Variants in GAREM1 observed in about 807,000 individuals in gnomAD.
GAREM1 encodes the protein GRB2 associated regulator of MAPK1 subtype 1.
Under a neutral mutation model 71.3 loss-of-function variants are expected in GAREM1, and 26 were observed. The observed-to-expected ratio is 0.36, with a 90% CI of 0.27 to 0.51. The LOEUF is 0.51. Ranked by LOEUF, GAREM1 falls within the 20% of genes least tolerant of loss-of-function variation. The pLI is 0.95. For missense variants in GAREM1, 1,026 were observed against 1,103.1 expected, an observed-to-expected ratio of 0.93 and a Z score of 0.99; for synonymous variants, 440 against 433.2, an observed-to-expected ratio of 1.02 and a Z score of -0.20.
At chr18:32,336,287 G>A (rs964381027) in intron 2 of GAREM1, among the ~76,000 whole-genome samples, 8 of 151,938 alleles carry the variant, frequency 5.3e-5, no homozygotes, top group African/African-American at 1.2e-4. Context: ...AAAATTAGCC[G>A]GCCGTGGTGG....
At chr18:32,332,180 G>C (rs781028070) in intron 2 of GAREM1, among the ~76,000 whole-genome samples, 8 of 151,904 alleles carry the variant, frequency 5.3e-5, no homozygotes, top group Non-Finnish European at 8.8e-5. Context: ...GCTCTGCTCA[G>C]AGGAGTGAGA....
At chr18:32,364,029 T>A (rs1246028028) in intron 2 of GAREM1, among the ~76,000 whole-genome samples, 3 of 41,196 alleles carry the variant, frequency 7.3e-5, no homozygotes, top group African/African-American at 3.1e-4. Flanking sequence ...TATATATATG[T>A]TTTTTTTTTT....
intron 1 of GAREM1, among the ~76,000 whole-genome samples, chr18:32,449,455 G>A (rs957768067): frequency 3.9e-5 from 6 of 152,176 alleles, no homozygotes; most frequent in African/African-American, 1.4e-4. Flanking sequence ...AGGAGGCCGA[G>A]GCAAGTGGAT....
At chr18:32,451,242 C>A (rs964465333) in intron 1 of GAREM1, among the ~76,000 whole-genome samples, 1 of 146,674 alleles carries the variant, frequency 6.8e-6, no homozygotes, top group Non-Finnish European at 1.5e-5. Flanking sequence ...GAGAGCAGAG[C>A]CCCCATCCCC....
intron 2 of GAREM1, among the ~76,000 whole-genome samples, chr18:32,352,278 AAC>A (rs2047760122): frequency 6.6e-6 from 1 of 152,242 alleles, no homozygotes; most frequent in Non-Finnish European, 1.5e-5. Flanking sequence ...CTGGATTTAA[AAC>A]ACAGTACTAA....
intron 1 of GAREM1, among the ~76,000 whole-genome samples, chr18:32,413,656 T>C (rs1447475358): frequency 6.6e-6 from 1 of 151,968 alleles, no homozygotes; most frequent in Non-Finnish European, 1.5e-5. Flanking sequence ...TATAAAGATA[T>C]AATAGGCCTA....
intron 2 of GAREM1, among the ~76,000 whole-genome samples, chr18:32,329,957 T>C (rs1380928915): frequency 6.6e-6 from 1 of 152,124 alleles, no homozygotes; most frequent in Non-Finnish European, 1.5e-5. Flanking sequence ...AGCATCATTT[T>C]TGCTGCTCAC....
intron 2 of GAREM1, among the ~76,000 whole-genome samples, chr18:32,326,544 G>A (rs1238337791): frequency 2.0e-5 from 3 of 152,164 alleles, no homozygotes; most frequent in Non-Finnish European, 2.9e-5. Flanking sequence ...CTGCTCTGCT[G>A]ACCTGCAGCT....
intron 2 of GAREM1, among the ~76,000 whole-genome samples, chr18:32,320,312 C>G (rs566308730): frequency 6.6e-6 from 1 of 152,090 alleles, no homozygotes; most frequent in African/African-American, 2.4e-5. Context: ...TTCTTATTCC[C>G]AATCTTTGAA....
chr18:32,334,417 A>C (rs2047568529), intron 2 of GAREM1, among the ~76,000 whole-genome samples: 1 of 152,206 alleles, frequency 6.6e-6, no homozygotes, highest in South Asian at 2.1e-4. Flanking sequence ...CAGGAAAAAT[A>C]GGAAAGTGCA....
chr18:32,459,835 A>G (rs943139003), intron 1 of GAREM1, among the ~76,000 whole-genome samples: 31 of 152,172 alleles, frequency 2.0e-4, no homozygotes, highest in African/African-American at 7.5e-4. Flanking sequence ...ATGAGAATCA[A>G]TCATGGAATA....
At chr18:32,361,534 G>A (rs113589410) in intron 2 of GAREM1, among the ~76,000 whole-genome samples, 175 of 152,202 alleles carry the variant, frequency 1.1e-3, no homozygotes, top group Admixed American at 3.3e-3. Flanking sequence ...GTGCAGAGGC[G>A]AACTCTCTTC....
chr18:32,397,075 T>G (rs1475190420), intron 1 of GAREM1, among the ~76,000 whole-genome samples: 3 of 152,034 alleles, frequency 2.0e-5, no homozygotes, highest in Non-Finnish European at 4.4e-5. Flanking sequence ...GAAGGAGAAA[T>G]AAAATACTTT....
At chr18:32,389,533 G>C (rs752258337) in intron 2 of GAREM1, among the ~76,000 whole-genome samples, 14 of 152,020 alleles carry the variant, frequency 9.2e-5, no homozygotes, top group Non-Finnish European at 1.6e-4. Context: ...AATCAAACTT[G>C]GTTGTTTGAT....
chr18:32,381,777 G>A (rs1411882529), intron 2 of GAREM1, among the ~76,000 whole-genome samples: 1 of 152,144 alleles, frequency 6.6e-6, no homozygotes, highest in African/African-American at 2.4e-5. Flanking sequence ...TATTCAGTCT[G>A]GAATTTGCTC....
chr18:32,466,854 C>A (rs1156720707), intron 1 of GAREM1, among the ~76,000 whole-genome samples: 1 of 152,164 alleles, frequency 6.6e-6, no homozygotes, highest in Non-Finnish European at 1.5e-5. Flanking sequence ...CTCATCAAAT[C>A]TCCCAAGGAG....
At chr18:32,409,978 A>G (rs191087973) in intron 1 of GAREM1, among the ~76,000 whole-genome samples, 1 of 152,324 alleles carries the variant, frequency 6.6e-6, no homozygotes, top group Admixed American at 6.5e-5. Flanking sequence ...ATTCCTCTCA[A>G]TAAGTCTGAT....
chr18:32,399,536 A>T (rs1237342168), intron 1 of GAREM1, among the ~76,000 whole-genome samples: 5 of 152,190 alleles, frequency 3.3e-5, no homozygotes, highest in Admixed American at 2.0e-4. Context: ...TAACAGACAA[A>T]CAGAGAGTCA....
chr18:32,356,727 T>G (rs1255293762), intron 2 of GAREM1, among the ~76,000 whole-genome samples: 1 of 152,192 alleles, frequency 6.6e-6, no homozygotes, highest in South Asian at 2.1e-4. Context: ...ATTAAGTCAT[T>G]TGTCCCAGGC....
Sources: gnomAD v4.1 joint callset for allele counts (sites outside exome capture counted in the v4.1 genomes callset) on GRCh38, gnomAD v4.1.1 for gene constraint, MANE v1.5 for transcripts, NCBI Gene and HGNC (gene_info 2026-07-23, HGNC 2026-07-21) for gene names.